The following RAB12 variants were observed in gnomAD, a reference collection of about 807,000 sequenced individuals.
RAB12 encodes RAB12, member RAS oncogene family, also known as ras-related protein Rab-12.
A neutral mutation model predicts 28.4 loss-of-function variants in RAB12; 11 were observed. The observed-to-expected ratio is 0.39, with a 90% CI of 0.24 to 0.64. RAB12 has a LOEUF of 0.64. Ranked by LOEUF, RAB12 falls within the 30% of genes least tolerant of loss-of-function variation. RAB12 has a pLI of 0.50. For synonymous variants in RAB12, 138 were observed against 145.3 expected, an observed-to-expected ratio of 0.95 and a Z score of 0.36; for missense variants, 276 against 351.1, an observed-to-expected ratio of 0.79 and a Z score of 1.71.
At chr18:8,633,737 G>A (rs184313621) in intron 3 of RAB12, among the ~76,000 whole-genome samples, 11 of 152,278 alleles carry the variant, frequency 7.2e-5, no homozygotes, top group Admixed American at 2.0e-4. Flanking sequence ...ACGCGCCTCC[G>A]TCACCCACTG....
rs1416382874 is a variant in RAB12 at position 8,609,813 on chromosome 18, G to T, written c.374G>T (p.Gly125Val). Residue 125 changes from glycine to valine, a missense_variant, in exon 1 of 6, where the codon GGC becomes GTC. Coordinates refer to ENST00000649141, the MANE Select transcript of RAB12 (RefSeq NM_001025300.3). ...AGSPALSGGQ[G>V]RRRKQPPRPA... ...TCCCCGGCGCTGTCGGGCGGCCAGGGCCGCCGGAGGAAGCAGCCCCCCAGG... is the reference window on the plus strand; with the variant it reads ...TCCCCGGCGCTGTCGGGCGGCCAGGTCCGCCGGAGGAAGCAGCCCCCCAGG... 1.3e-6 allele frequency: 2 copies of T among 1,487,408 alleles called. No homozygotes were observed. Among genetic ancestry groups the T allele is most frequent in the Non-Finnish European group, 1.8e-6 (2 of 1,120,084 alleles). The allele number at this position is 1,487,408 out of a possible 1,614,324, so 92.1% of individuals were successfully genotyped here. A position where few individuals can be genotyped will look rare whatever the true frequency, so the allele number is the denominator to read the frequency against.
At chr18:8,633,018 TA>T (rs1320140480) in intron 2 of RAB12, 170 bp from the exon 3 acceptor site, 2 of 695,958 alleles carry the variant, frequency 2.9e-6, no homozygotes, top group Non-Finnish European at 2.4e-6. Flanking sequence ...TTAGTCAACC[TA>T]AATTTTTCCT....
chr18:8,622,863 C>CA (rs1236001493), intron 1 of RAB12, among the ~76,000 whole-genome samples: 1 of 152,310 alleles, frequency 6.6e-6, no homozygotes, highest in Admixed American at 6.5e-5. Flanking sequence ...TTCTCTTTCC[C>CA]AGGGATGTTC....
At chr18:8,612,507 G>T (rs2096004400) in intron 1 of RAB12, among the ~76,000 whole-genome samples, 2 of 152,254 alleles carry the variant, frequency 1.3e-5, no homozygotes, top group South Asian at 4.1e-4. Flanking sequence ...TCCCTACCCT[G>T]TCAGGGCTGC....
Position 8,632,270 on chromosome 18 carries a change from A to T in RAB12, c.576-919A>T, listed in dbSNP as rs191415063. On this transcript the variant is annotated intron_variant, in intron 2 of 5. Coordinates refer to ENST00000649141, the MANE Select transcript of RAB12 (RefSeq NM_001025300.3). ...GCATTCCAGCCTGGGTGACAGAGCT[A>T]GACTCTGTCTCCAAAAAAAAAAAAA... Among the ~76,000 whole-genome samples, 6 of 148,060 alleles carry T rather than the reference A, an allele frequency of 4.1e-5. No homozygotes were observed. The East Asian group carries it at 1.2e-3, about 30-fold the overall frequency.
rs1484936053 is a variant in RAB12 at position 8,639,328 on chromosome 18, AT to A, written c.*1068del. The A allele has an allele frequency of 1.3e-5, 2 of 152,050 alleles. No individual in the cohort carries two copies. The highest frequency in any genetic ancestry group is 4.8e-5 in the African/African-American group (2 of 41,290). The allele number at this position is 152,050 out of a possible 1,614,324, so 9.4% of individuals were successfully genotyped here. ...TCTTGAGTGTTGTGGTATGAAAAGC[AT>A]TGTGGTCTTTCTACACTAATGAAGT... On this transcript the variant is annotated 3_prime_UTR_variant, in exon 6 of 6. Coordinates refer to ENST00000649141, the MANE Select transcript of RAB12 (RefSeq NM_001025300.3).
intron 4 of RAB12, 192 bp downstream of exon 4, chr18:8,635,814 G>GAA (rs945758459): frequency 2.0e-6 from 1 of 500,502 alleles, no homozygotes; most frequent in African/African-American, 2.0e-5. Flanking sequence ...AATGGAGGGA[G>GAA]AAAAAAACAC....
intron 1 of RAB12, among the ~76,000 whole-genome samples, chr18:8,616,766 A>G (rs1045342329): frequency 6.6e-6 from 1 of 151,964 alleles, no homozygotes; most frequent in Non-Finnish European, 1.5e-5. Context: ...ACAAAAAAAA[A>G]AAAAAATGAA....
intron 2 of RAB12, among the ~76,000 whole-genome samples, chr18:8,628,506 A>T (rs150876509): frequency 1.2e-4 from 19 of 152,346 alleles, no homozygotes; most frequent in African/African-American, 4.3e-4. Context: ...AAACAGTGGC[A>T]TTTAAGGAAT....
chr18:8,631,510 C>T (rs557349470), intron 2 of RAB12, among the ~76,000 whole-genome samples: 9 of 152,288 alleles, frequency 5.9e-5, no homozygotes, highest in African/African-American at 1.9e-4. Flanking sequence ...GGCTCAGATA[C>T]GGCTGTCATC....
rs1300076152 is a variant in RAB12 at position 8,638,592 on chromosome 18, TATG to T, written c.*332_*334del. 3.9e-5 allele frequency: 7 copies of T among 179,940 alleles called. No individual in the cohort carries two copies. The highest frequency in any genetic ancestry group is 1.7e-4 in the African/African-American group (7 of 42,122). The allele number at this position is 179,940 out of a possible 1,614,324, so 11.1% of individuals were successfully genotyped here. On this transcript the variant is annotated 3_prime_UTR_variant, in exon 6 of 6. Coordinates refer to ENST00000649141, the MANE Select transcript of RAB12 (RefSeq NM_001025300.3). ...ATATAATTGTCCTTATTAATTATAT[TATG>T]AGGACAGAAGATATTCTGATAAGAG...
intron 1 of RAB12, among the ~76,000 whole-genome samples, chr18:8,623,932 G>A (rs983019324): frequency 3.9e-5 from 6 of 152,220 alleles, no homozygotes; most frequent in African/African-American, 9.6e-5. Flanking sequence ...TATAAAAATC[G>A]GTCACATGTC....
At chr18:8,635,671 G>C in intron 4 of RAB12, 49 bp downstream of exon 4, 1 of 1,153,102 alleles carries the variant, frequency 8.7e-7, no homozygotes, top group Non-Finnish European at 1.2e-6. Context: ...CTTAGCGCTT[G>C]AGGTACTGTT....
chr18:8,615,544 G>A (rs751355382), intron 1 of RAB12, among the ~76,000 whole-genome samples: 20 of 152,340 alleles, frequency 1.3e-4, no homozygotes, highest in Non-Finnish European at 2.6e-4. Flanking sequence ...TGCTCCATCT[G>A]GAGAGAACCT....
Position 8,609,805 on chromosome 18 carries a change from C to T in RAB12, c.366C>T (p.Gly122=), listed in dbSNP as rs1351504037. The change falls in exon 1 of 6, where the codon GGC becomes GGT. Residue 122 remains glycine (G), a synonymous_variant. Coordinates refer to ENST00000649141, the MANE Select transcript of RAB12 (RefSeq NM_001025300.3). ...GCGCGGGCTCCCCGGCGCTGTCGGG[C>T]GGCCAGGGCCGCCGGAGGAAGCAGC... is the stretch of plus-strand genomic sequence containing the variant. ...GLGAGSPALS[G]GQGRRRKQPP... The T allele has an allele frequency of 7.0e-7, 1 of 1,434,932 alleles. No individual in the cohort carries two copies. Among genetic ancestry groups the T allele is most frequent in the Non-Finnish European group, 9.1e-7 (1 of 1,095,516 alleles). The allele number at this position is 1,434,932 out of a possible 1,614,324, so 88.9% of individuals were successfully genotyped here.
chr18:8,613,581 C>A (rs1304578418), intron 1 of RAB12, among the ~76,000 whole-genome samples: 1 of 152,092 alleles, frequency 6.6e-6, no homozygotes, highest in Non-Finnish European at 1.5e-5. Context: ...AAAAACAACT[C>A]CATAAAATTA....
In RAB12 at chr18:8,621,089, G is replaced by A. The variant is rs952469559; in HGVS notation, c.515-3849G>A. On this transcript the variant is annotated intron_variant, in intron 1 of 5. Transcript: ENST00000649141. ...TAGTCAAGATAACCTGTAGGAAACC[G>A]GTTTTCAACAGGGTTGTAGACAGTA... is the stretch of plus-strand genomic sequence containing the variant. Among the ~76,000 whole-genome samples the A allele has an allele frequency of 3.9e-5, 6 of 152,278 alleles. No homozygotes were observed. In the South Asian group the frequency reaches 6.2e-4, roughly 16 times the overall value.
chr18:8,625,948 C>T (rs1156576699), intron 2 of RAB12, among the ~76,000 whole-genome samples: 3 of 152,170 alleles, frequency 2.0e-5, no homozygotes, highest in East Asian at 1.9e-4. Flanking sequence ...CTGTCTGGGC[C>T]GCAGCTGCAG....
chr18:8,629,096 A>T (rs981200892), intron 2 of RAB12, among the ~76,000 whole-genome samples: 3 of 152,246 alleles, frequency 2.0e-5, no homozygotes, highest in African/African-American at 7.2e-5. Context: ...TTGTAACAGT[A>T]CTCAAATAGC....
Sources: gnomAD v4.1 joint callset for allele counts (sites outside exome capture counted in the v4.1 genomes callset) on GRCh38, gnomAD v4.1.1 for gene constraint, MANE v1.5 for transcripts, NCBI Gene and HGNC (gene_info 2026-07-23, HGNC 2026-07-21) for gene names.